The following NUSAP1 variants were observed in gnomAD, a reference collection of about 807,000 sequenced individuals.
The protein encoded by NUSAP1 is nucleolar and spindle-associated protein 1.
NUSAP1 carries 32 observed loss-of-function variants against 52.8 expected under a neutral mutation model. The ratio of observed to expected loss-of-function variants is 0.61; its 90% CI spans 0.46 to 0.81. NUSAP1 has a LOEUF of 0.81. Ranked by LOEUF, NUSAP1 falls within the 40% of genes least tolerant of loss-of-function variation. The pLI is 0.00. For missense variants in NUSAP1, 499 were observed against 522.3 expected (o/e 0.96, Z 0.43); for synonymous variants, 195 against 183.1 (o/e 1.06, Z -0.52).
At chr15:41,353,722 T>C (rs1439370620) in intron 4 of NUSAP1, among the ~76,000 whole-genome samples, 6 of 152,198 alleles carry the variant, frequency 3.9e-5, no homozygotes, top group Non-Finnish European at 4.4e-5. Context: ...AGATGTAAGA[T>C]TGAGGCTTTC....
chr15:41,378,951 T>TG (rs1212846170), intron 10 of NUSAP1, among the ~76,000 whole-genome samples: 1 of 102,032 alleles, frequency 9.8e-6, no homozygotes, highest in East Asian at 2.9e-4. Flanking sequence ...TTGGTTTTTT[T>TG]TTTTTTTTTT....
intron 8 of NUSAP1, among the ~76,000 whole-genome samples, chr15:41,372,796 A>C (rs1377079179): frequency 6.6e-6 from 1 of 152,154 alleles, no homozygotes; most frequent in African/African-American, 2.4e-5. Flanking sequence ...CCCTATGAAA[A>C]GAAAGGATTG....
chr15:41,365,523 A>C lies in NUSAP1; in HGVS notation c.782A>C (p.Gln261Pro). ...SQGRSCGPASQSTLGLKGSLK... is the reference protein window; with the variant it reads ...SQGRSCGPASPSTLGLKGSLK... Reference sequence around the variant, plus strand: ...GGCCGGTCTTGTGGCCCTGCAAGTCAGAGTACCTTGGGTCTGAAGGGGTCA... The same window carrying C: ...GGCCGGTCTTGTGGCCCTGCAAGTCCGAGTACCTTGGGTCTGAAGGGGTCA... Residue 261 changes from glutamine to proline, a missense_variant, in exon 7 of 11, where the codon CAG (glutamine) becomes CCG (proline). By Grantham distance (76) the Gln-to-Pro change is moderately conservative. Transcript: ENST00000559596. 6.2e-7 allele frequency: 1 copy of C among 1,613,036 alleles called. No individual in the cohort carries two copies.
chr15:41,338,390 A>C (rs1311087794), intron 1 of NUSAP1, among the ~76,000 whole-genome samples: 1 of 152,088 alleles, frequency 6.6e-6, no homozygotes, highest in East Asian at 1.9e-4. Flanking sequence ...TCCCCATCTC[A>C]GTACATTGTT....
intron 5 of NUSAP1, among the ~76,000 whole-genome samples, chr15:41,356,850 AGT>A (rs2048992327): frequency 6.6e-6 from 1 of 152,144 alleles, no homozygotes; most frequent in Non-Finnish European, 1.5e-5. Flanking sequence ...TGGGCATGTA[AGT>A]CTTCTCTATC....
Position 41,365,458 on chromosome 15 carries a change from C to G in NUSAP1, c.717C>G (p.Leu239=), listed in dbSNP as rs1276021045. 4 of 1,613,120 alleles carry G rather than the reference C, an allele frequency of 2.5e-6. No homozygotes were observed. The highest frequency in any genetic ancestry group is 3.3e-5 in the Admixed American group (2 of 59,852). ...CTCCAGTACCTCCAAGAGGAAGACT[C>G]TCTGTGGCTTCTACTCCCATCAGCC... ...VRTPVPPRGR[L]SVASTPISQR... Residue 239 remains leucine, a synonymous_variant, in exon 7 of 11, where the codon CTC becomes CTG. Transcript: ENST00000559596.
At chr15:41,341,119 G>A (rs780278814) in intron 1 of NUSAP1, among the ~76,000 whole-genome samples, 2 of 152,182 alleles carry the variant, frequency 1.3e-5, no homozygotes, top group Non-Finnish European at 2.9e-5. Context: ...CTAGAGTGCA[G>A]TGGCATCATC....
chr15:41,362,419 CTTT>C (rs71104787), intron 6 of NUSAP1, among the ~76,000 whole-genome samples: 5 of 131,056 alleles, frequency 3.8e-5, no homozygotes, highest in Non-Finnish European at 6.5e-5. Context: ...TATTGTTTAT[CTTT>C]TTTTTTTTTT....
intron 6 of NUSAP1, 84 bp downstream of exon 6, chr15:41,358,342 C>T: frequency 1.5e-6 from 1 of 657,296 alleles, no homozygotes; most frequent in Non-Finnish European, 2.7e-6. Flanking sequence ...GTTACAACAA[C>T]TGGCTGTCAC....
chr15:41,375,042 G>C lies in NUSAP1; in HGVS notation c.1007-670G>C, dbSNP rs181233159. 5.9e-3 allele frequency among the ~76,000 whole-genome samples: 852 copies of C among 145,326 alleles called. 1 individual carries two copies. Among genetic ancestry groups the C allele is most frequent in the Non-Finnish European group, 8.8e-3 (580 of 66,156 alleles). On this transcript the variant is annotated intron_variant, in intron 8 of 10. Coordinates refer to ENST00000559596, the MANE Select transcript of NUSAP1 (RefSeq NM_016359.5). The stretch of plus-strand genomic sequence containing the variant: ...TTTTCCCTCTCTGAGATGGAGTCTT[G>C]CTCTGTCACCAGGCTGGAGTGCAGT...
Position 41,349,246 on chromosome 15 carries a change from A to G in NUSAP1, c.306+5A>G, listed in dbSNP as rs537168309. ...CGTGTGGACCCTGACTCACAGGTGA[A>G]TGGAAATATACAAACTGAAAATAAA... On this transcript the variant is annotated splice_donor_5th_base_variant and intron_variant, in intron 3 of 10. Transcript: ENST00000559596. The G allele has an allele frequency of 1.1e-5, 18 of 1,611,400 alleles. No homozygotes were observed. In the South Asian group the frequency reaches 1.9e-4, roughly 17 times the overall value.
intron 6 of NUSAP1, among the ~76,000 whole-genome samples, chr15:41,359,640 T>TC (rs1258199449): frequency 6.6e-6 from 1 of 151,856 alleles, no homozygotes; most frequent in Non-Finnish European, 1.5e-5. Flanking sequence ...TCTTTTCTTT[T>TC]TTTTTTTTGA....
chr15:41,358,534 C>CA lies in NUSAP1; in HGVS notation c.660+278dup, dbSNP rs372578347. Among the ~76,000 whole-genome samples, 400 of 152,258 alleles carry CA rather than the reference C, an allele frequency of 2.6e-3. 1 individual carries two copies. Among genetic ancestry groups the CA allele is most frequent in the African/African-American group, 9.1e-3 (379 of 41,552 alleles). ...AGTGGATTACCTCAGGTCAGGAGTT[C>CA]AAGGCCAGCCTGGGCAACATGGTGA... is the stretch of plus-strand genomic sequence containing the variant. On this transcript the variant is annotated intron_variant, in intron 6 of 10. Coordinates refer to ENST00000559596, the MANE Select transcript of NUSAP1 (RefSeq NM_016359.5).
chr15:41,367,824 G>A (rs2049482979), intron 7 of NUSAP1, among the ~76,000 whole-genome samples: 1 of 152,136 alleles, frequency 6.6e-6, no homozygotes, highest in African/African-American at 2.4e-5. Flanking sequence ...AGGAGACAGG[G>A]CTGCAGAGGC....
intron 8 of NUSAP1, among the ~76,000 whole-genome samples, chr15:41,372,509 G>A (rs2049742618): frequency 6.6e-6 from 1 of 152,122 alleles, no homozygotes; most frequent in African/African-American, 2.4e-5. Flanking sequence ...CATGTCTCCT[G>A]TACATGTGCA....
chr15:41,334,252 G>C (rs1343286059), intron 1 of NUSAP1, among the ~76,000 whole-genome samples: 1 of 152,158 alleles, frequency 6.6e-6, no homozygotes, highest in African/African-American at 2.4e-5. Flanking sequence ...CTGAGTAGCT[G>C]GGATTACAGG....
At chr15:41,373,267 G>A (rs547084114) in intron 8 of NUSAP1, among the ~76,000 whole-genome samples, 10 of 151,774 alleles carry the variant, frequency 6.6e-5, no homozygotes, top group African/African-American at 1.2e-4. Flanking sequence ...GGTGGCACGC[G>A]CCTGTAATCC....
intron 4 of NUSAP1, among the ~76,000 whole-genome samples, chr15:41,352,181 A>G (rs1310937860): frequency 6.6e-6 from 1 of 152,002 alleles, no homozygotes; most frequent in Non-Finnish European, 1.5e-5. Context: ...TGACCTCGTG[A>G]TCCACCCACC....
chr15:41,374,575 T>G (rs1296591817), intron 8 of NUSAP1, among the ~76,000 whole-genome samples: 6 of 152,208 alleles, frequency 3.9e-5, no homozygotes, highest in Non-Finnish European at 8.8e-5. Flanking sequence ...GTCGCCAGGC[T>G]GGAGTGCTGT....
Sources: allele counts gnomAD v4.1 joint callset (sites outside exome capture counted in the v4.1 genomes callset), GRCh38; gene constraint gnomAD v4.1.1; transcripts MANE v1.5; gene names NCBI Gene and HGNC (gene_info 2026-07-23, HGNC 2026-07-21).